RNFT2: variants seen among roughly 807,000 people sequenced by gnomAD.
The protein encoded by RNFT2 is E3 ubiquitin-protein ligase RNFT2.
In RNFT2, 36 loss-of-function variants were observed where a neutral mutation model predicts 53.0. The ratio of observed to expected loss-of-function variants is 0.68; its 90% CI spans 0.52 to 0.90. The LOEUF is 0.90. Among genes scored for constraint, RNFT2 ranks in the 40% least tolerant of loss-of-function variants. RNFT2 has a pLI of 0.00. For missense variants in RNFT2, 514 were observed against 585.6 expected, an observed-to-expected ratio of 0.88 and a Z score of 1.26; for synonymous variants, 260 against 253.2, an observed-to-expected ratio of 1.03 and a Z score of -0.26.
At chr12:116,841,844 T>A (rs868113524) in intron 10 of RNFT2, among the ~76,000 whole-genome samples, 8 of 26,976 alleles carry the variant, frequency 3.0e-4, no homozygotes, top group South Asian at 7.7e-4. Context: ...AATATATATA[T>A]AAATATATAT....
At chr12:116,750,447 G>A (rs763575550) in intron 4 of RNFT2, 140 bp downstream of exon 4, 4 of 821,474 alleles carry the variant, frequency 4.9e-6, no homozygotes, top group Non-Finnish European at 7.5e-6. Context: ...GGGATTCTGA[G>A]TCAGACCTGG....
intron 3 of RNFT2, among the ~76,000 whole-genome samples, chr12:116,749,283 C>T (rs1006638184): frequency 9.9e-5 from 4 of 40,256 alleles, no homozygotes; most frequent in East Asian, 2.2e-3. Flanking sequence ...CCTCTTTCCC[C>T]CCCCACCACC....
chr12:116,748,450 C>T (rs1303317845), intron 3 of RNFT2, among the ~76,000 whole-genome samples: 1 of 152,166 alleles, frequency 6.6e-6, no homozygotes, highest in Non-Finnish European at 1.5e-5. Context: ...GATAACAGTT[C>T]CCACGTATTG....
At chr12:116,799,410 C>T (rs1391008778) in intron 7 of RNFT2, among the ~76,000 whole-genome samples, 2 of 152,178 alleles carry the variant, frequency 1.3e-5, no homozygotes, top group Non-Finnish European at 2.9e-5. Context: ...TCCAAAATCC[C>T]TTTTATCGTG....
intron 2 of RNFT2, chr12:116,740,742 C>T: frequency 3.1e-6 from 2 of 636,492 alleles, no homozygotes; most frequent in East Asian, 2.7e-5. Flanking sequence ...TCACTTCATC[C>T]AGCACCTCTT....
intron 7 of RNFT2, among the ~76,000 whole-genome samples, chr12:116,790,921 A>G (rs1453298756): frequency 6.6e-6 from 1 of 152,236 alleles, no homozygotes; most frequent in Non-Finnish European, 1.5e-5. Context: ...TGATCGCAGC[A>G]CTGCACTCCA....
intron 7 of RNFT2, among the ~76,000 whole-genome samples, chr12:116,805,156 C>T (rs1276178587): frequency 2.2e-5 from 3 of 135,124 alleles, no homozygotes; most frequent in African/African-American, 8.4e-5. Context: ...TAGATTTAAA[C>T]ATGGACACAG....
At chr12:116,760,566 G>C (rs1032071959) in intron 5 of RNFT2, among the ~76,000 whole-genome samples, 1 of 152,120 alleles carries the variant, frequency 6.6e-6, no homozygotes, top group Non-Finnish European at 1.5e-5. Context: ...TTGACTCAGC[G>C]CCAGATAAAG....
At chr12:116,839,211 C>T (rs1877124646) in intron 10 of RNFT2, among the ~76,000 whole-genome samples, 1 of 152,144 alleles carries the variant, frequency 6.6e-6, no homozygotes, top group African/African-American at 2.4e-5. Flanking sequence ...TGTCTGCCTC[C>T]TGGTGAATCA....
chr12:116,834,003 CA>C (rs1415330492), intron 8 of RNFT2, 62 bp downstream of exon 8: 3 of 1,455,700 alleles, frequency 2.1e-6, no homozygotes, highest in East Asian at 5.2e-5. Flanking sequence ...AGTCAGGCCT[CA>C]GGGGGCTCCT....
At chr12:116,847,334 A>T (rs1239445800) in intron 10 of RNFT2, among the ~76,000 whole-genome samples, 1 of 152,058 alleles carries the variant, frequency 6.6e-6, no homozygotes, top group Non-Finnish European at 1.5e-5. Flanking sequence ...ACCAATCAAG[A>T]CTCATGTGCT....
chr12:116,778,047 G>C (rs1326551178), intron 6 of RNFT2, among the ~76,000 whole-genome samples: 2 of 152,018 alleles, frequency 1.3e-5, no homozygotes, highest in Admixed American at 1.3e-4. Flanking sequence ...AGCTTCCCCC[G>C]CTCCTTCATA....
chr12:116,811,484 T>C (rs1875373537), intron 7 of RNFT2, among the ~76,000 whole-genome samples: 1 of 151,990 alleles, frequency 6.6e-6, no homozygotes, highest in Non-Finnish European at 1.5e-5. Flanking sequence ...CAAGCAATCC[T>C]TGTGCCTCAG....
chr12:116,833,547 G>T (rs946865368), intron 7 of RNFT2, among the ~76,000 whole-genome samples: 1 of 152,158 alleles, frequency 6.6e-6, no homozygotes, highest in Non-Finnish European at 1.5e-5. Context: ...CCTGAAACTC[G>T]ATCCTCAATC....
At chr12:116,838,974 A>G (rs909958141) in intron 10 of RNFT2, among the ~76,000 whole-genome samples, 1 of 152,220 alleles carries the variant, frequency 6.6e-6, no homozygotes, top group Non-Finnish European at 1.5e-5. Flanking sequence ...GATGATTCAC[A>G]TAGGTAAATG....
intron 7 of RNFT2, among the ~76,000 whole-genome samples, chr12:116,816,902 A>G (rs910562991): frequency 2.0e-5 from 3 of 152,228 alleles, no homozygotes; most frequent in African/African-American, 4.8e-5. Context: ...CCCCTTGTGT[A>G]TATCTCCTGG....
At position 116,844,331 on chromosome 12, in the gene RNFT2, G is replaced by A. The variant is rs903384704; in HGVS notation, c.1201-4983G>A. 6.6e-5 allele frequency among the ~76,000 whole-genome samples: 10 copies of A among 152,230 alleles called. No homozygotes were observed. In the East Asian group the frequency reaches 1.2e-3, roughly 18 times the overall value. On this transcript the variant is annotated intron_variant, in intron 10 of 10. Transcript: ENST00000257575. ...CTGCAACCTCCACCTCCCAGGTCAC[G>A]GTTCAAGCAATTCTCCTGCCTCAGC...
Position 116,852,400 on chromosome 12 carries a change from G to T in RNFT2, c.*2952G>T. On this transcript the variant is annotated 3_prime_UTR_variant, in exon 11 of 11. Coordinates refer to ENST00000257575, the MANE Select transcript of RNFT2 (RefSeq NM_001382266.1). ...ACTTTCCCCTTGGCTTGGCATCCCT[G>T]GCTCTCTCCTGGTACCCAGCAAGAC... The T allele has an allele frequency of 7.5e-7, 1 of 1,335,886 alleles. No individual in the cohort carries two copies. Among genetic ancestry groups the T allele is most frequent in the East Asian group, 3.1e-5 (1 of 32,694 alleles). The allele number at this position is 1,335,886 out of a possible 1,614,324, so 82.8% of individuals were successfully genotyped here.
chr12:116,848,902 C>T (rs921106764), intron 10 of RNFT2, among the ~76,000 whole-genome samples: 1 of 152,140 alleles, frequency 6.6e-6, no homozygotes, highest in African/African-American at 2.4e-5. Context: ...TCACTGCAAC[C>T]TCTGCCTCCG....
Sources: allele counts gnomAD v4.1 joint callset (sites outside exome capture counted in the v4.1 genomes callset), GRCh38; gene constraint gnomAD v4.1.1; transcripts MANE v1.5; gene names NCBI Gene and HGNC (gene_info 2026-07-23, HGNC 2026-07-21).